Variants in POU3F3 observed in about 807,000 individuals in gnomAD.
The protein encoded by POU3F3 is POU class 3 homeobox 3.
POU3F3 carries 1 observed loss-of-function variant against 8.6 expected under a neutral mutation model. The ratio of observed to expected loss-of-function variants is 0.12; its 90% CI spans 0.04 to 0.55. The LOEUF is 0.55. Ranked by LOEUF, POU3F3 falls within the 20% of genes least tolerant of loss-of-function variation. The pLI, the probability that POU3F3 is intolerant of heterozygous loss-of-function variation, is 0.91. For synonymous variants in POU3F3, 418 were observed against 327.4 expected, an observed-to-expected ratio of 1.28 and a Z score of -2.99; for missense variants, 577 against 690.7, an observed-to-expected ratio of 0.84 and a Z score of 1.84.
chr2:104,896,632 G>A, the POU3F3 span, among the ~76,000 whole-genome samples: 1 of 128 alleles, frequency 7.8e-3, no homozygotes, highest in Non-Finnish European at 0.019. Context: ...TGAATCATGT[G>A]GCTGAGAGCT....
the POU3F3 span, among the ~76,000 whole-genome samples, chr2:104,926,751 G>A: frequency 0.013 from 2,003 of 152,162 alleles, 21 homozygotes; most frequent in South Asian, 0.027. Context: ...ATATACCATC[G>A]AATACTATGC....
chr2:104,911,221 A>G, the POU3F3 span, among the ~76,000 whole-genome samples: 115 of 152,124 alleles, frequency 7.6e-4, 1 homozygote, highest in African/African-American at 2.6e-3. Context: ...CAGCCTGGCC[A>G]AAATGGCAAA....
the POU3F3 span, among the ~76,000 whole-genome samples, chr2:104,923,634 G>T: frequency 6.6e-6 from 1 of 152,030 alleles, no homozygotes; most frequent in African/African-American, 2.4e-5. Flanking sequence ...AAGCTATAAG[G>T]CATATAGAAA....
the POU3F3 span, among the ~76,000 whole-genome samples, chr2:104,905,670 T>G: frequency 1.3e-5 from 2 of 152,228 alleles, no homozygotes; most frequent in African/African-American, 4.8e-5. Flanking sequence ...TAGTTTCTAA[T>G]GGCTTCCAGC....
downstream of POU3F3, among the ~76,000 whole-genome samples, chr2:104,860,360 G>T (rs1252023243): frequency 6.6e-6 from 1 of 152,026 alleles, no homozygotes; most frequent in East Asian, 1.9e-4. Flanking sequence ...AACAAAAGAG[G>T]GCAGATATAA....
the POU3F3 span, among the ~76,000 whole-genome samples, chr2:104,904,756 A>G: frequency 6.6e-6 from 1 of 152,128 alleles, no homozygotes; most frequent in African/African-American, 2.4e-5. Flanking sequence ...GATGTATATC[A>G]GTTCCTGTCC....
chr2:104,917,306 A>G, the POU3F3 span, among the ~76,000 whole-genome samples: 1 of 152,186 alleles, frequency 6.6e-6, no homozygotes, highest in Non-Finnish European at 1.5e-5. Context: ...TCTTTGGAGA[A>G]CCCTGACTAA....
the POU3F3 span, among the ~76,000 whole-genome samples, chr2:104,881,829 G>C: frequency 1.3e-5 from 2 of 152,214 alleles, no homozygotes; most frequent in East Asian, 3.9e-4. Flanking sequence ...GTAGCAGAGT[G>C]AGAACTCTCC....
the POU3F3 span, among the ~76,000 whole-genome samples, chr2:104,868,968 C>G: frequency 6.6e-6 from 1 of 152,222 alleles, no homozygotes; most frequent in South Asian, 2.1e-4. Flanking sequence ...CTGACGTGAA[C>G]AACATTACAT....
chr2:104,884,836 C>G, the POU3F3 span, among the ~76,000 whole-genome samples: 434 of 152,218 alleles, frequency 2.9e-3, 1 homozygote, highest in African/African-American at 9.9e-3. Context: ...TTTGGAAAAC[C>G]TAGGTGCTCC....
the POU3F3 span, among the ~76,000 whole-genome samples, chr2:104,889,905 G>T: frequency 6.6e-6 from 1 of 152,050 alleles, no homozygotes; most frequent in African/African-American, 2.4e-5. Flanking sequence ...ATCTTTTCTT[G>T]TAAGTTTTTT....
the POU3F3 span, among the ~76,000 whole-genome samples, chr2:104,875,997 C>A: frequency 6.6e-6 from 1 of 152,192 alleles, no homozygotes; most frequent in Non-Finnish European, 1.5e-5. Flanking sequence ...GGATTACAGG[C>A]ATGAGCCACC....
chr2:104,915,221 A>T, the POU3F3 span, among the ~76,000 whole-genome samples: 1 of 152,178 alleles, frequency 6.6e-6, no homozygotes, highest in Non-Finnish European at 1.5e-5. Flanking sequence ...CTCAGTTTTG[A>T]CAGAGTGCCC....
At chr2:104,896,594 T>C in the POU3F3 span, among the ~76,000 whole-genome samples, 5 of 152,028 alleles carry the variant, frequency 3.3e-5, no homozygotes, top group African/African-American at 4.8e-5. Context: ...ACATGAGGCA[T>C]CCTCAGGAAA....
the POU3F3 span, chr2:104,865,832 C>A: frequency 2.6e-5 from 4 of 152,102 alleles, no homozygotes. Flanking sequence ...TGAAAACTCT[C>A]CTGCAGAGTT....
the POU3F3 span, among the ~76,000 whole-genome samples, chr2:104,888,252 G>T: frequency 1.3e-5 from 2 of 152,182 alleles, no homozygotes; most frequent in African/African-American, 4.8e-5. Flanking sequence ...CTCTTTAAAG[G>T]GTTAACGTTT....
At chr2:104,886,475 C>T in the POU3F3 span, among the ~76,000 whole-genome samples, 1 of 152,090 alleles carries the variant, frequency 6.6e-6, no homozygotes, top group Non-Finnish European at 1.5e-5. Context: ...TAAGTCCATT[C>T]TGTGATGTTT....
the POU3F3 span, among the ~76,000 whole-genome samples, chr2:104,924,391 G>A: frequency 1.7e-4 from 26 of 152,312 alleles, no homozygotes; most frequent in Non-Finnish European, 3.1e-4. Flanking sequence ...TCGATGGGGA[G>A]GGGAGTAAAC....
At chr2:104,925,374 A>T in the POU3F3 span, among the ~76,000 whole-genome samples, 1 of 152,208 alleles carries the variant, frequency 6.6e-6, no homozygotes, top group Non-Finnish European at 1.5e-5. Flanking sequence ...GTTTGGAAGG[A>T]TGTGCTTGTG....
Sources: allele counts gnomAD v4.1 joint callset (sites outside exome capture counted in the v4.1 genomes callset), GRCh38; gene constraint gnomAD v4.1.1; transcripts MANE v1.5; gene names NCBI Gene and HGNC (gene_info 2026-07-23, HGNC 2026-07-21).